POC1B: variants seen among roughly 807,000 people sequenced by gnomAD.
POC1B encodes the protein POC1 centriolar protein B.
A neutral mutation model predicts 60.6 loss-of-function variants in POC1B; 44 were observed. The ratio of observed to expected loss-of-function variants is 0.73; its 90% CI spans 0.57 to 0.93. POC1B has a LOEUF of 0.93. Among genes scored for constraint, POC1B ranks in the 40% least tolerant of loss-of-function variants. The pLI, the probability that POC1B is intolerant of heterozygous loss-of-function variation, is 0.00. For synonymous variants in POC1B, 180 were observed against 198.9 expected, an observed-to-expected ratio of 0.90 and a Z score of 0.80; for missense variants, 555 against 572.3, an observed-to-expected ratio of 0.97 and a Z score of 0.31.
At chr12:89,403,742 C>T in the POC1B span, among the ~76,000 whole-genome samples, 6,237 of 152,280 alleles carry the variant, frequency 0.041, 317 homozygotes, top group African/African-American at 0.13. Context: ...GAGCTACACT[C>T]TATCTCTAAA....
chr12:89,523,042 C>T, intron 2 of POC1B: 1 of 1,613,788 alleles, frequency 6.2e-7, no homozygotes, highest in Non-Finnish European at 8.5e-7. Context: ...TACCTCTGCA[C>T]ATAACTCTGT....
chr12:89,480,965 G>T (rs1381910925), intron 4 of POC1B, among the ~76,000 whole-genome samples: 1 of 151,986 alleles, frequency 6.6e-6, no homozygotes, highest in Non-Finnish European at 1.5e-5. Flanking sequence ...CAAACTCCTG[G>T]CCTCAAGTGA....
chr12:89,472,770 C>G (rs1882950741), intron 4 of POC1B: 1 of 153,914 alleles, frequency 6.5e-6, no homozygotes, highest in Non-Finnish European at 1.4e-5. Flanking sequence ...AAGAACCTAA[C>G]TGCCCATGCC....
chr12:89,514,402 C>CTTTTTTTTTT lies in POC1B; in HGVS notation c.100+10708_100+10717dup, dbSNP rs60679774. On this transcript the variant is annotated intron_variant, in intron 2 of 11. Coordinates refer to ENST00000313546, the MANE Select transcript of POC1B (RefSeq NM_172240.3). ...ATAAGTTACTCAGTTTCATGTATTTCTTTTTTTTTTTTTTTTTTTTTTTTT... is the reference window on the plus strand; with the variant it reads ...ATAAGTTACTCAGTTTCATGTATTTCTTTTTTTTTTTTTTTTTTTTTTTTTTTTTTTTTTT... Among the ~76,000 whole-genome samples the CTTTTTTTTTT allele has an allele frequency of 2.6e-3, 174 of 67,088 alleles. 34 individuals carry two copies. Among genetic ancestry groups the CTTTTTTTTTT allele is most frequent in the Non-Finnish European group, 3.3e-3 (125 of 38,356 alleles). 44.0% of individuals were successfully genotyped at this position (67,088 alleles called of 152,430 possible). A position where few individuals can be genotyped will look rare whatever the true frequency, so the allele number is the denominator to read the frequency against.
the POC1B span, among the ~76,000 whole-genome samples, chr12:89,404,655 A>G: frequency 2.0e-5 from 3 of 152,172 alleles, no homozygotes; most frequent in Admixed American, 1.3e-4. Context: ...ACCCAGCTAC[A>G]ACATGACTCT....
At chr12:89,474,670 C>T (rs756594487) in intron 4 of POC1B, among the ~76,000 whole-genome samples, 5 of 152,204 alleles carry the variant, frequency 3.3e-5, no homozygotes, top group Non-Finnish European at 5.9e-5. Flanking sequence ...GGATTTGAAT[C>T]AGGCAGTTGT....
At chr12:89,501,637 G>A (rs1457933288) in intron 2 of POC1B, 1 of 1,210,072 alleles carries the variant, frequency 8.3e-7, no homozygotes, top group Non-Finnish European at 1.2e-6. Context: ...TGTGTCTGAA[G>A]AAGTGACTTC....
Position 89,525,982 on chromosome 12 carries a change from G to A in POC1B, c.-87C>T, listed in dbSNP as rs764440820. On this transcript the variant is annotated 5_prime_UTR_variant, in exon 1 of 12. Coordinates refer to ENST00000313546, the MANE Select transcript of POC1B (RefSeq NM_172240.3). ...GATGGGGAAGGAGAGGGGACCGTGC[G>A]GCTCCCGGAACCGTCTGCCCAGAGC... 2.5e-5 allele frequency: 38 copies of A among 1,544,292 alleles called. No homozygotes were observed. Among genetic ancestry groups the A allele is most frequent in the Non-Finnish European group, 2.9e-5 (33 of 1,145,384 alleles).
chr12:89,444,931 CA>C, intron 10 of POC1B, among the ~76,000 whole-genome samples: 1 of 152,228 alleles, frequency 6.6e-6, no homozygotes, highest in African/African-American at 2.4e-5. Flanking sequence ...AATCAATGTG[CA>C]AAAATCACAA....
At chr12:89,525,855 C>G in intron 1 of POC1B, 26 bp downstream of exon 1, 3 of 844,984 alleles carry the variant, frequency 3.6e-6, no homozygotes, top group East Asian at 3.6e-5. Flanking sequence ...AGGGAGGGAC[C>G]CCCCCCACCT....
At chr12:89,439,798 G>GT (rs1881433581) in intron 10 of POC1B, among the ~76,000 whole-genome samples, 1 of 151,932 alleles carries the variant, frequency 6.6e-6, no homozygotes, top group South Asian at 2.1e-4. Context: ...TAGAGATGGG[G>GT]TTTTGCCATT....
At chr12:89,412,758 C>G in the POC1B span, among the ~76,000 whole-genome samples, 1 of 152,088 alleles carries the variant, frequency 6.6e-6, no homozygotes, top group African/African-American at 2.4e-5. Context: ...CTCATCCTGC[C>G]ATGTCTTGGT....
At chr12:89,507,036 C>T (rs1194525844) in intron 2 of POC1B, among the ~76,000 whole-genome samples, 3 of 151,732 alleles carry the variant, frequency 2.0e-5, no homozygotes, top group African/African-American at 7.3e-5. Context: ...ATTACGACCC[C>T]CAAGGCAGCA....
At chr12:89,518,829 G>A (rs962073216) in intron 2 of POC1B, among the ~76,000 whole-genome samples, 21 of 152,120 alleles carry the variant, frequency 1.4e-4, no homozygotes, top group African/African-American at 4.6e-4. Flanking sequence ...AGTATTTACA[G>A]GAACTTTTAA....
At chr12:89,412,361 T>C in the POC1B span, among the ~76,000 whole-genome samples, 1 of 151,438 alleles carries the variant, frequency 6.6e-6, no homozygotes, top group Non-Finnish European at 1.5e-5. Context: ...TTTTTTCTTT[T>C]TTTTTTTTTT....
intron 3 of POC1B, among the ~76,000 whole-genome samples, chr12:89,494,873 T>C (rs115659523): frequency 0.017 from 2,532 of 152,268 alleles, 81 homozygotes; most frequent in African/African-American, 0.058. Context: ...GCATGTGTAA[T>C]CTCAGCCTGC....
At position 89,469,955 on chromosome 12, in the gene POC1B, C is replaced by A. The variant is rs182017496; in HGVS notation, c.810+406G>T. 9.2e-5 allele frequency among the ~76,000 whole-genome samples: 14 copies of A among 152,244 alleles called. 1 individual carries two copies. The East Asian group carries it at 2.7e-3, about 29-fold the overall frequency. On this transcript the variant is annotated intron_variant, in intron 7 of 11. Coordinates refer to ENST00000313546, the MANE Select transcript of POC1B (RefSeq NM_172240.3). Reference sequence around the variant, plus strand: ...CAATCTCAGCTCACTGCAGCCTCCCCCTCCTGGGTTCAAGTGATGCCCCTG... The same window carrying A: ...CAATCTCAGCTCACTGCAGCCTCCCACTCCTGGGTTCAAGTGATGCCCCTG...
intron 6 of POC1B, 141 bp from the exon 7 acceptor site, chr12:89,470,635 G>T: frequency 1.8e-6 from 1 of 551,100 alleles, no homozygotes; most frequent in Non-Finnish European, 2.8e-6. Context: ...ACTAAAACGA[G>T]TATTTTGGCA....
At chr12:89,498,376 A>G (rs1182759417) in intron 2 of POC1B, among the ~76,000 whole-genome samples, 5 of 152,240 alleles carry the variant, frequency 3.3e-5, no homozygotes, top group East Asian at 1.9e-4. Flanking sequence ...AAATTTTATT[A>G]TATGCATGTA....
Sources: gnomAD v4.1 joint callset for allele counts (sites outside exome capture counted in the v4.1 genomes callset) on GRCh38, gnomAD v4.1.1 for gene constraint, MANE v1.5 for transcripts, NCBI Gene and HGNC (gene_info 2026-07-23, HGNC 2026-07-21) for gene names.